Variants in GALNTL6 observed in about 807,000 individuals in gnomAD.
The protein encoded by GALNTL6 is polypeptide N-acetylgalactosaminyltransferase-like 6.
GALNTL6 carries 46 observed loss-of-function variants against 73.7 expected under a neutral mutation model. The ratio of observed to expected loss-of-function variants is 0.62; its 90% CI spans 0.49 to 0.80. GALNTL6 has a LOEUF of 0.80. Ranked by LOEUF, GALNTL6 falls within the 30% of genes least tolerant of loss-of-function variation. The probability of loss-of-function intolerance (pLI) is 0.00; values close to 1 mark genes in which losing one functional copy is unlikely to be tolerated. For missense variants in GALNTL6, 604 were observed against 755.0 expected (o/e 0.80, Z 2.34); for synonymous variants, 259 against 263.7 (o/e 0.98, Z 0.17).
chr4:172,981,598 A>G (rs1042684648), intron 10 of GALNTL6, among the ~76,000 whole-genome samples: 1 of 152,148 alleles, frequency 6.6e-6, no homozygotes, highest in South Asian at 2.1e-4. Flanking sequence ...TAATTACTGT[A>G]GCACTATAGT....
intron 8 of GALNTL6, among the ~76,000 whole-genome samples, chr4:172,909,083 T>C (rs1422012258): frequency 6.6e-6 from 1 of 151,668 alleles, no homozygotes; most frequent in African/African-American, 2.4e-5. Context: ...GAAGTTAACA[T>C]AAGATAAAAT....
At chr4:172,497,991 C>CTTTTTTTTTTTTTTTTTTTTT (rs10669113) in intron 5 of GALNTL6, among the ~76,000 whole-genome samples, 1 of 104,586 alleles carries the variant, frequency 9.6e-6, no homozygotes. Context: ...TGTCACATTT[C>CTTTTTTTTTTTTTTTTTTTTT]TTTTTTTTTT....
intron 2 of GALNTL6, among the ~76,000 whole-genome samples, chr4:172,086,612 C>T: frequency 6.6e-6 from 1 of 152,114 alleles, no homozygotes; most frequent in South Asian, 2.1e-4. Context: ...ATTTATACCT[C>T]AATAGTAACC....
At chr4:172,190,110 G>A (rs776024891) in intron 2 of GALNTL6, among the ~76,000 whole-genome samples, 21 of 152,050 alleles carry the variant, frequency 1.4e-4, no homozygotes, top group Non-Finnish European at 2.9e-4. Flanking sequence ...TAAGAAAAGG[G>A]AGGCTTGAAG....
chr4:172,963,407 G>A (rs889011250), intron 10 of GALNTL6, among the ~76,000 whole-genome samples: 9 of 152,002 alleles, frequency 5.9e-5, no homozygotes, highest in African/African-American at 2.2e-4. Context: ...TATATAACAA[G>A]CCATGTAATT....
Position 172,648,341 on chromosome 4 carries a change from A to C in GALNTL6, c.554-161020A>C, listed in dbSNP as rs141248979. ...GAAGGGTTTAAAGCTGTTTCTGATG[A>C]TTGCTTGTTAGGATGTCCAAAACAC... On this transcript the variant is annotated intron_variant, in intron 5 of 12. Transcript: ENST00000506823. Among the ~76,000 whole-genome samples the C allele has an allele frequency of 1.1e-4, 17 of 152,242 alleles. No homozygotes were observed. The East Asian group carries it at 2.1e-3, about 19-fold the overall frequency.
intron 5 of GALNTL6, among the ~76,000 whole-genome samples, chr4:172,598,408 G>A (rs866680557): frequency 6.6e-6 from 1 of 151,948 alleles, no homozygotes; most frequent in Non-Finnish European, 1.5e-5. Flanking sequence ...GAGGACCTTC[G>A]AGATAACTGC....
At chr4:172,309,996 T>C (rs921807774) in intron 3 of GALNTL6, among the ~76,000 whole-genome samples, 2 of 152,052 alleles carry the variant, frequency 1.3e-5, no homozygotes, top group Admixed American at 1.3e-4. Context: ...TATATAAGGA[T>C]GAACCTGAAA....
intron 8 of GALNTL6, among the ~76,000 whole-genome samples, chr4:172,891,032 A>T (rs1004661839): frequency 6.6e-6 from 1 of 151,842 alleles, no homozygotes; most frequent in Non-Finnish European, 1.5e-5. Flanking sequence ...TACCATTTGC[A>T]TAATAGATCT....
intron 2 of GALNTL6, among the ~76,000 whole-genome samples, chr4:171,887,884 T>A (rs1049683989): frequency 3.9e-5 from 6 of 152,206 alleles, no homozygotes; most frequent in African/African-American, 1.4e-4. Context: ...AAACGTAATT[T>A]ACTTATGACT....
At chr4:171,970,880 A>T (rs998782586) in intron 2 of GALNTL6, among the ~76,000 whole-genome samples, 15 of 152,254 alleles carry the variant, frequency 9.9e-5, no homozygotes, top group African/African-American at 3.6e-4. Flanking sequence ...ATTAAGAAAT[A>T]AATCACTACT....
At chr4:172,152,063 A>T (rs1321798611) in intron 2 of GALNTL6, among the ~76,000 whole-genome samples, 1 of 151,526 alleles carries the variant, frequency 6.6e-6, no homozygotes. Context: ...TGCAACCCCC[A>T]CCTCCCGGGT....
intron 5 of GALNTL6, among the ~76,000 whole-genome samples, chr4:172,808,374 G>A (rs561410856): frequency 9.3e-4 from 141 of 152,298 alleles, no homozygotes; most frequent in African/African-American, 3.4e-3. Flanking sequence ...ATCATGCAAA[G>A]AGACTTAATA....
At chr4:172,611,940 C>A (rs1738541488) in intron 5 of GALNTL6, among the ~76,000 whole-genome samples, 1 of 152,048 alleles carries the variant, frequency 6.6e-6, no homozygotes, top group Non-Finnish European at 1.5e-5. Context: ...GGTCCCAGAC[C>A]AACAGGATTT....
At chr4:172,918,103 G>A (rs1211501505) in intron 8 of GALNTL6, among the ~76,000 whole-genome samples, 2 of 152,160 alleles carry the variant, frequency 1.3e-5, no homozygotes, top group Non-Finnish European at 2.9e-5. Context: ...CATGGATGAA[G>A]CTGGAAACCA....
At chr4:172,200,288 G>C (rs190983076) in intron 2 of GALNTL6, among the ~76,000 whole-genome samples, 1 of 152,104 alleles carries the variant, frequency 6.6e-6, no homozygotes, top group Admixed American at 6.5e-5. Flanking sequence ...AAATACTCCA[G>C]TTTAATTATG....
At chr4:172,977,251 T>G (rs553875768) in intron 10 of GALNTL6, among the ~76,000 whole-genome samples, 1 of 152,322 alleles carries the variant, frequency 6.6e-6, no homozygotes, top group East Asian at 1.9e-4. Flanking sequence ...CATCATACCT[T>G]CAGCTCCATC....
chr4:172,269,524 A>T (rs1030154635), intron 3 of GALNTL6, among the ~76,000 whole-genome samples: 1 of 152,166 alleles, frequency 6.6e-6, no homozygotes, highest in Non-Finnish European at 1.5e-5. Context: ...CCTAGATCAT[A>T]CTGGGAAAGA....
At chr4:172,704,391 G>C (rs985577146) in intron 5 of GALNTL6, among the ~76,000 whole-genome samples, 1 of 151,100 alleles carries the variant, frequency 6.6e-6, no homozygotes, top group African/African-American at 2.4e-5. Flanking sequence ...GGTATGTTTT[G>C]TTTCCATTTT....
Sources: allele counts gnomAD v4.1 joint callset (sites outside exome capture counted in the v4.1 genomes callset), GRCh38; gene constraint gnomAD v4.1.1; transcripts MANE v1.5; gene names NCBI Gene and HGNC (gene_info 2026-07-23, HGNC 2026-07-21).